The following SNX29 variants were observed in gnomAD, a reference collection of about 807,000 sequenced individuals.
SNX29 encodes the protein sorting nexin-29.
SNX29 carries 78 observed loss-of-function variants against 102.1 expected under a neutral mutation model. The observed-to-expected ratio is 0.76, with a 90% CI of 0.64 to 0.92. SNX29 has a LOEUF of 0.92. Ranked by LOEUF, SNX29 falls within the 40% of genes least tolerant of loss-of-function variation. SNX29 has a pLI of 0.00. For synonymous variants in SNX29, 580 were observed against 414.5 expected (o/e 1.40, Z -4.85); for missense variants, 1,280 against 1,061.7 (o/e 1.21, Z -2.86).
At chr16:12,545,499 C>G (rs562815546) in intron 20 of SNX29, 1 of 152,348 alleles carries the variant, frequency 6.6e-6, no homozygotes, top group East Asian at 1.9e-4. Context: ...TGTGGCAAGA[C>G]CGTGTGTCCT....
chr16:12,519,856 A>G (rs2090026652), intron 19 of SNX29, among the ~76,000 whole-genome samples: 1 of 152,044 alleles, frequency 6.6e-6, no homozygotes, highest in Non-Finnish European at 1.5e-5. Flanking sequence ...AAAAATACAA[A>G]AATTAGCTAG....
chr16:12,169,630 T>A (rs2076098514), intron 13 of SNX29, among the ~76,000 whole-genome samples: 1 of 152,146 alleles, frequency 6.6e-6, no homozygotes, highest in Admixed American at 6.5e-5. Context: ...GAGGCCAAGA[T>A]GGGTGGATCA....
intron 15 of SNX29, among the ~76,000 whole-genome samples, chr16:12,355,499 C>A (rs1429497307): frequency 2.0e-5 from 3 of 152,288 alleles, no homozygotes; most frequent in South Asian, 4.2e-4. Context: ...TCTGCCTGAC[C>A]TCGCATTCTG....
At chr16:12,139,451 C>G (rs1028366460) in intron 13 of SNX29, among the ~76,000 whole-genome samples, 2 of 152,174 alleles carry the variant, frequency 1.3e-5, no homozygotes, top group African/African-American at 4.8e-5. Flanking sequence ...GTCATATTGG[C>G]TAAATGAGGG....
At chr16:12,403,646 T>G in intron 18 of SNX29, 117 bp downstream of exon 18, 1 of 962,230 alleles carries the variant, frequency 1.0e-6, no homozygotes. Flanking sequence ...GCTATGGCCT[T>G]CCAGACACCC....
intron 14 of SNX29, among the ~76,000 whole-genome samples, chr16:12,207,875 T>C (rs1490709226): frequency 6.6e-6 from 1 of 152,212 alleles, no homozygotes; most frequent in Non-Finnish European, 1.5e-5. Flanking sequence ...CTGTCTACTC[T>C]GCTAGACCTT....
intron 16 of SNX29, among the ~76,000 whole-genome samples, chr16:12,368,328 T>C (rs761332120): frequency 1.3e-5 from 2 of 152,248 alleles, no homozygotes; most frequent in Non-Finnish European, 2.9e-5. Flanking sequence ...AAGCTGGTCC[T>C]ATGTTGATGC....
intron 15 of SNX29, among the ~76,000 whole-genome samples, chr16:12,355,795 G>A (rs916307948): frequency 1.5e-5 from 2 of 136,662 alleles, no homozygotes; most frequent in African/African-American, 5.5e-5. Flanking sequence ...CAGGGCTCTG[G>A]TGTCAGTTCC....
intron 18 of SNX29, among the ~76,000 whole-genome samples, chr16:12,409,421 C>CT (rs71139589): frequency 0.057 from 5,113 of 89,586 alleles, 435 homozygotes; most frequent in South Asian, 0.17. Flanking sequence ...GATTCACTGT[C>CT]TTTTTTTTTT....
chr16:12,358,156 T>G (rs1039729710), intron 16 of SNX29, among the ~76,000 whole-genome samples: 8 of 151,352 alleles, frequency 5.3e-5, no homozygotes, highest in Non-Finnish European at 8.9e-5. Flanking sequence ...CTTTACTGAG[T>G]TTTGCCATTT....
At chr16:12,210,327 T>C (rs1364395191) in intron 14 of SNX29, among the ~76,000 whole-genome samples, 1 of 32,252 alleles carries the variant, frequency 3.1e-5, no homozygotes, top group East Asian at 9.2e-4. Flanking sequence ...TCCCTCCACT[T>C]TTTTTTTTTT....
intron 14 of SNX29, among the ~76,000 whole-genome samples, chr16:12,215,313 G>GAAAAAAAAAAA (rs59097054): frequency 7.3e-6 from 1 of 137,234 alleles, no homozygotes. Context: ...AATCTCTACA[G>GAAAAAAAAAAA]AAAAAAAAAA....
chr16:12,250,531 C>T (rs952820514), intron 14 of SNX29, among the ~76,000 whole-genome samples: 2 of 152,216 alleles, frequency 1.3e-5, no homozygotes, highest in Non-Finnish European at 1.5e-5. Flanking sequence ...GCCTCTTACC[C>T]ACTTACCTCT....
chr16:12,557,369 T>G (rs2078434298), intron 20 of SNX29: 2 of 152,194 alleles, frequency 1.3e-5, no homozygotes, highest in Non-Finnish European at 2.9e-5. Flanking sequence ...GCTGAATGGT[T>G]GAGGGCTTGC....
At chr16:12,083,733 C>T (rs950394473) in intron 11 of SNX29, among the ~76,000 whole-genome samples, 3 of 152,194 alleles carry the variant, frequency 2.0e-5, no homozygotes, top group African/African-American at 7.2e-5. Context: ...TGAGATTCTC[C>T]TCTAGAGCAG....
At position 12,058,002 on chromosome 16, in the gene SNX29, A is replaced by G. The variant is rs569800615; in HGVS notation, c.1125-3526A>G. 5.9e-3 allele frequency among the ~76,000 whole-genome samples: 893 copies of G among 151,944 alleles called. 6 individuals carry two copies. Among genetic ancestry groups the G allele is most frequent in the Middle Eastern group, 0.02 (6 of 294 alleles). On this transcript the variant is annotated intron_variant, in intron 8 of 20. Transcript: ENST00000566228. ...CCGGTTAATTTTTTGTATTTTTAGTAGAGATGGGGTTTCACCATGTTGGCC... is the reference window on the plus strand; with the variant it reads ...CCGGTTAATTTTTTGTATTTTTAGTGGAGATGGGGTTTCACCATGTTGGCC...
intron 18 of SNX29, among the ~76,000 whole-genome samples, chr16:12,458,350 GTCT>G (rs2086626186): frequency 6.6e-6 from 1 of 152,178 alleles, no homozygotes; most frequent in South Asian, 2.1e-4. Flanking sequence ...GGAGGCAGAA[GTCT>G]TCTGGAGAAA....
At chr16:12,164,828 C>A (rs541021153) in intron 13 of SNX29, among the ~76,000 whole-genome samples, 5 of 152,110 alleles carry the variant, frequency 3.3e-5, no homozygotes, top group African/African-American at 1.2e-4. Flanking sequence ...GCTGGGATTA[C>A]AGGTGCCCAC....
chr16:12,433,312 G>C (rs533649991), intron 18 of SNX29, among the ~76,000 whole-genome samples: 95 of 152,178 alleles, frequency 6.2e-4, no homozygotes, highest in African/African-American at 2.2e-3. Context: ...ACCCCATTTA[G>C]AAACTCGGCT....
Sources: gnomAD v4.1 joint callset for allele counts (sites outside exome capture counted in the v4.1 genomes callset) on GRCh38, gnomAD v4.1.1 for gene constraint, MANE v1.5 for transcripts, NCBI Gene and HGNC (gene_info 2026-07-23, HGNC 2026-07-21) for gene names.